P3H2: variants seen among roughly 807,000 people sequenced by gnomAD.
The protein encoded by P3H2 is prolyl 3-hydroxylase 2.
P3H2 carries 80 observed loss-of-function variants against 87.0 expected under a neutral mutation model. The observed-to-expected ratio is 0.92, with a 90% CI of 0.77 to 1.11. The LOEUF is 1.11. Among genes scored for constraint, P3H2 ranks in the 50% least tolerant of loss-of-function variants. P3H2 has a pLI of 0.00. For missense variants in P3H2, 1,001 were observed against 923.9 expected (o/e 1.08, Z -1.08); for synonymous variants, 367 against 359.3 (o/e 1.02, Z -0.24).
intron 1 of P3H2, among the ~76,000 whole-genome samples, chr3:190,040,842 A>G (rs1370453140): frequency 1.3e-5 from 2 of 151,438 alleles, no homozygotes; most frequent in Admixed American, 1.3e-4. Flanking sequence ...CAAAGCTAGT[A>G]CACATAGTAC....
chr3:189,957,970 A>G lies in P3H2; in HGVS notation c.2069T>C (p.Leu690Pro). The G allele has an allele frequency of 6.2e-7, 1 of 1,613,998 alleles. No individual in the cohort carries two copies. The highest frequency in any genetic ancestry group is 8.5e-7 in the Non-Finnish European group (1 of 1,179,838). The change falls in exon 15 of 15, where the codon CTG (leucine) becomes CCG (proline). Residue 690 changes from leucine (L) to proline (P), a missense_variant. By Grantham distance (98) the Leu-to-Pro change is moderately conservative. Transcript: ENST00000319332. Reference sequence around the variant, plus strand: ...ATGCTTCCCTTGCTGTTCTTGATCCAGAATTGCAATCACTTCATCAGCCTG... The same window carrying G: ...ATGCTTCCCTTGCTGTTCTTGATCCGGAATTGCAATCACTTCATCAGCCTG... ...RIQADEVIAI[L>P]DQEQQGKHEL...
At chr3:189,991,859 G>A (rs1174997200) in intron 3 of P3H2, among the ~76,000 whole-genome samples, 1 of 152,118 alleles carries the variant, frequency 6.6e-6, no homozygotes, top group Admixed American at 6.5e-5. Flanking sequence ...CTGCTCTGTG[G>A]GCATTTGGAG....
At chr3:190,068,152 T>C (rs911670222) in intron 1 of P3H2, among the ~76,000 whole-genome samples, 2 of 152,222 alleles carry the variant, frequency 1.3e-5, no homozygotes, top group Admixed American at 1.3e-4. Context: ...AAAAATTTTA[T>C]AAGATAAATC....
chr3:190,120,191 G>C (rs922170274), intron 1 of P3H2, 61 bp downstream of exon 1: 33 of 1,565,854 alleles, frequency 2.1e-5, no homozygotes, highest in Non-Finnish European at 2.9e-5. Flanking sequence ...CAGCAGGGAG[G>C]GCTCAAGAGA....
intron 1 of P3H2, among the ~76,000 whole-genome samples, chr3:190,105,135 A>C (rs1711779490): frequency 6.6e-6 from 1 of 152,218 alleles, no homozygotes; most frequent in African/African-American, 2.4e-5. Flanking sequence ...CATTCATTTC[A>C]ACATCACTCT....
At chr3:190,025,093 GA>G (rs1725047238) in intron 1 of P3H2, among the ~76,000 whole-genome samples, 1 of 152,124 alleles carries the variant, frequency 6.6e-6, no homozygotes. Flanking sequence ...ATAGACCTAT[GA>G]ATATGTAAAG....
chr3:190,115,323 A>G (rs1436817582), intron 1 of P3H2, among the ~76,000 whole-genome samples: 1 of 152,192 alleles, frequency 6.6e-6, no homozygotes, highest in Non-Finnish European at 1.5e-5. Flanking sequence ...ACAAAGCAAC[A>G]ACACAGAAAC....
intron 1 of P3H2, among the ~76,000 whole-genome samples, chr3:190,026,218 G>A (rs79529543): frequency 0.056 from 8,519 of 152,060 alleles, 724 homozygotes; most frequent in African/African-American, 0.19. Context: ...AAATTTTGGG[G>A]AATTCCTGTA....
At chr3:190,006,589 T>G (rs140565784) in intron 1 of P3H2, among the ~76,000 whole-genome samples, 1 of 152,268 alleles carries the variant, frequency 6.6e-6, no homozygotes, top group East Asian at 1.9e-4. Context: ...ACTATTGATA[T>G]CAAGAACTGG....
chr3:190,100,745 C>G (rs9874509), intron 1 of P3H2, among the ~76,000 whole-genome samples: 1,828 of 152,206 alleles, frequency 0.012, 28 homozygotes, highest in African/African-American at 0.042. Flanking sequence ...AAAGGTCTGT[C>G]TTTACAAAAC....
intron 1 of P3H2, among the ~76,000 whole-genome samples, chr3:190,078,749 C>G (rs951641039): frequency 6.6e-6 from 1 of 152,186 alleles, no homozygotes; most frequent in Non-Finnish European, 1.5e-5. Flanking sequence ...TATACCCAAA[C>G]TTTTTATTTG....
rs1281898500 is a variant in P3H2 at position 190,120,348 on chromosome 3, G to C, written c.384C>G (p.Leu128=). ...CGCGGTGGCGGGATGCGGGGCCCCC[G>C]AGGCGCTGGGTCTCACAGCTGCGAT... ...RCYRSCETQR[L]GGPASRHRVS... The change falls in exon 1 of 15, where the codon CTC becomes CTG. Residue 128 remains leucine (L), a synonymous_variant. Transcript: ENST00000319332. 6.3e-7 allele frequency: 1 copy of C among 1,580,776 alleles called. No homozygotes were observed. The highest frequency in any genetic ancestry group is 2.1e-4 in the Middle Eastern group (1 of 4,846).
At chr3:190,064,897 A>G (rs1288419578) in intron 1 of P3H2, among the ~76,000 whole-genome samples, 3 of 152,130 alleles carry the variant, frequency 2.0e-5, no homozygotes, top group Non-Finnish European at 4.4e-5. Flanking sequence ...TCAAAATGTA[A>G]AGCAGCTTCC....
At chr3:189,999,133 G>A (rs957030724) in intron 1 of P3H2, among the ~76,000 whole-genome samples, 2 of 152,230 alleles carry the variant, frequency 1.3e-5, no homozygotes, top group African/African-American at 4.8e-5. Flanking sequence ...CATTCATACT[G>A]AGAGCTTCCA....
intron 1 of P3H2, among the ~76,000 whole-genome samples, chr3:190,113,919 T>C (rs1222345537): frequency 6.6e-6 from 1 of 151,308 alleles, no homozygotes; most frequent in African/African-American, 2.4e-5. Context: ...CTACTAAAAA[T>C]ACAAAAAGAA....
Position 189,984,570 on chromosome 3 carries a change from TC to T in P3H2, c.1208del (p.Gly403GlufsTer13), listed in dbSNP as rs1560348513. ...YTEPNYWIRY[G>X]GRQDENRVPS... ...CTTACCGATTCTCATCCTGTCGTCC[TC>T]CATATCTGATCCAATAATTCTGTTT... On this transcript the variant is annotated frameshift_variant, in exon 7 of 15. Coordinates refer to ENST00000319332, the MANE Select transcript of P3H2 (RefSeq NM_018192.4). LOFTEE classifies it high-confidence loss of function. The T allele has an allele frequency of 6.2e-7, 1 of 1,610,758 alleles. No homozygotes were observed. Among genetic ancestry groups the T allele is most frequent in the Non-Finnish European group, 8.5e-7 (1 of 1,178,316 alleles).
At chr3:190,038,137 C>T (rs1725480886) in intron 1 of P3H2, among the ~76,000 whole-genome samples, 1 of 151,324 alleles carries the variant, frequency 6.6e-6, no homozygotes, top group African/African-American at 2.4e-5. Flanking sequence ...TCACAAAATG[C>T]TTATCTACTG....
At position 190,001,437 on chromosome 3, in the gene P3H2, C is replaced by A. The variant is rs534120963; in HGVS notation, c.481-5995G>T. 1.1e-4 allele frequency among the ~76,000 whole-genome samples: 16 copies of A among 152,210 alleles called. No individual in the cohort carries two copies. In the East Asian group the frequency reaches 2.9e-3, roughly 28 times the overall value. ...AACATTTTCAATAAATGAATGAATT[C>A]TTTTTCTACTTTCGTCACCCTAACT... On this transcript the variant is annotated intron_variant, in intron 1 of 14. Transcript: ENST00000319332.
At chr3:190,063,621 T>C (rs1378406092) in intron 1 of P3H2, among the ~76,000 whole-genome samples, 2 of 152,168 alleles carry the variant, frequency 1.3e-5, no homozygotes, top group African/African-American at 4.8e-5. Flanking sequence ...AGTGCTTCAA[T>C]ACAATTTCCA....
Sources: allele counts gnomAD v4.1 joint callset (sites outside exome capture counted in the v4.1 genomes callset), GRCh38; gene constraint gnomAD v4.1.1; transcripts MANE v1.5; gene names NCBI Gene and HGNC (gene_info 2026-07-23, HGNC 2026-07-21).